Variants in LRRTM4 observed in about 807,000 individuals in gnomAD.
LRRTM4 encodes leucine-rich repeat transmembrane neuronal protein 4.
In LRRTM4, 25 loss-of-function variants were observed where a neutral mutation model predicts 47.6. The ratio of observed to expected loss-of-function variants is 0.53; its 90% CI spans 0.38 to 0.73. LRRTM4 has a LOEUF of 0.73. Ranked by LOEUF, LRRTM4 falls within the 30% of genes least tolerant of loss-of-function variation. The pLI is 0.00. For synonymous variants in LRRTM4, 311 were observed against 269.5 expected (o/e 1.15, Z -1.51); for missense variants, 638 against 713.4 (o/e 0.89, Z 1.20).
At chr2:76,798,776 C>T (rs1675497913) in intron 3 of LRRTM4, among the ~76,000 whole-genome samples, 1 of 150,998 alleles carries the variant, frequency 6.6e-6, no homozygotes, top group Non-Finnish European at 1.5e-5. Context: ...GATATCACCA[C>T]CGATCCCACA....
chr2:77,213,675 A>G (rs1674357540), intron 3 of LRRTM4, among the ~76,000 whole-genome samples: 1 of 152,172 alleles, frequency 6.6e-6, no homozygotes, highest in Non-Finnish European at 1.5e-5. Flanking sequence ...ACTGAGGTCT[A>G]TAACATCCAA....
Position 77,062,951 on chromosome 2 carries a change from TTA to T in LRRTM4, c.1552-314037_1552-314036del, listed in dbSNP as rs547857930. The stretch of plus-strand genomic sequence containing the variant: ...CTCTTGTTCTTTTTTAAAATTATTA[TTA>T]TCTTTTTTTTTTTTTTTTTGAGACA... On this transcript the variant is annotated intron_variant, in intron 3 of 3. Coordinates refer to ENST00000409884, the MANE Select transcript of LRRTM4 (RefSeq NM_001134745.3). Among the ~76,000 whole-genome samples, 982 of 119,194 alleles carry T rather than the reference TTA, an allele frequency of 8.2e-3. 9 individuals are homozygous for T. Among genetic ancestry groups the T allele is most frequent in the South Asian group, 0.02 (64 of 3,272 alleles). 78.2% of individuals were successfully genotyped at this position (119,194 alleles called of 152,430 possible).
chr2:77,222,461 A>G lies in LRRTM4; in HGVS notation c.1551+295857T>C, dbSNP rs541477223. On this transcript the variant is annotated intron_variant, in intron 3 of 3. Transcript: ENST00000409884. ...TCAACAAAATTGATAGACTGCTAGC[A>G]AGGTTAATAAAGAAGAAAAGAGAGA... Among the ~76,000 whole-genome samples the G allele has an allele frequency of 2.0e-5, 3 of 152,286 alleles. No individual in the cohort carries two copies. In the East Asian group the frequency reaches 5.8e-4, roughly 29 times the overall value.
intron 3 of LRRTM4, among the ~76,000 whole-genome samples, chr2:76,823,902 A>T (rs1174638695): frequency 6.6e-6 from 1 of 151,582 alleles, no homozygotes; most frequent in East Asian, 1.9e-4. Context: ...TTTCTATAAT[A>T]CATGATGCAT....
intron 3 of LRRTM4, among the ~76,000 whole-genome samples, chr2:77,397,820 G>A (rs1403196527): frequency 6.6e-6 from 1 of 151,848 alleles, no homozygotes; most frequent in Non-Finnish European, 1.5e-5. Context: ...CTTGATAATA[G>A]GGAGACTCTG....
At chr2:77,110,592 ACAAGAACATTTTATTTGTT>A (rs1447290033) in intron 3 of LRRTM4, among the ~76,000 whole-genome samples, 1 of 152,206 alleles carries the variant, frequency 6.6e-6, no homozygotes, top group African/African-American at 2.4e-5. Context: ...ATGTTTTTTG[ACAAGAACATTTTATTTGTT>A]CATATTGAAA....
chr2:77,246,102 T>C (rs1675438667), intron 3 of LRRTM4, among the ~76,000 whole-genome samples: 2 of 152,224 alleles, frequency 1.3e-5, no homozygotes, highest in African/African-American at 2.4e-5. Flanking sequence ...AAAGCTTCCT[T>C]TACTTTGAAA....
intron 3 of LRRTM4, among the ~76,000 whole-genome samples, chr2:77,388,336 A>C (rs1673367228): frequency 6.6e-6 from 1 of 152,138 alleles, no homozygotes; most frequent in African/African-American, 2.4e-5. Context: ...TATAACTACA[A>C]GGCCAGCATA....
chr2:76,910,643 A>G (rs1405354173), intron 3 of LRRTM4, among the ~76,000 whole-genome samples: 1 of 152,218 alleles, frequency 6.6e-6, no homozygotes, highest in Non-Finnish European at 1.5e-5. Flanking sequence ...TTTATTCACG[A>G]CCATAAATAA....
chr2:76,853,060 T>C (rs1225405970), intron 3 of LRRTM4, among the ~76,000 whole-genome samples: 1 of 152,176 alleles, frequency 6.6e-6, no homozygotes, highest in Non-Finnish European at 1.5e-5. Context: ...TATAACTTGG[T>C]ACCTGTCAAA....
chr2:76,899,236 G>A (rs1350291241), intron 3 of LRRTM4, among the ~76,000 whole-genome samples: 1 of 151,056 alleles, frequency 6.6e-6, no homozygotes, highest in Non-Finnish European at 1.5e-5. Context: ...CTGGGACACA[G>A]AAGTGAACAA....
intron 3 of LRRTM4, among the ~76,000 whole-genome samples, chr2:77,074,812 T>G (rs1680278481): frequency 6.6e-6 from 1 of 152,202 alleles, no homozygotes. Context: ...TGGTTGGCAC[T>G]GAAAAGTTGT....
intron 3 of LRRTM4, among the ~76,000 whole-genome samples, chr2:76,948,426 A>C (rs1675393800): frequency 6.6e-6 from 1 of 151,880 alleles, no homozygotes; most frequent in Admixed American, 6.6e-5. Flanking sequence ...ATTTGCAAAG[A>C]AAATGTAATA....
intron 3 of LRRTM4, among the ~76,000 whole-genome samples, chr2:77,480,812 GTGTGTGTGTGGAGAGAGAGAGAGAGA>G (rs1382157787): frequency 2.0e-4 from 26 of 132,892 alleles, no homozygotes; most frequent in African/African-American, 6.3e-4. Flanking sequence ...GTGTGTGTGT[GTGTGTGTGTGGAGAGAGAGAGAGAGA>G]GAGAGAGAGA....
intron 3 of LRRTM4, among the ~76,000 whole-genome samples, chr2:76,908,692 A>T (rs944966911): frequency 1.3e-5 from 2 of 152,172 alleles, no homozygotes; most frequent in African/African-American, 4.8e-5. Context: ...ATTCTTATAC[A>T]CCAATAAGAG....
intron 3 of LRRTM4, among the ~76,000 whole-genome samples, chr2:77,082,524 A>G (rs903664248): frequency 5.4e-4 from 82 of 152,242 alleles, no homozygotes; most frequent in African/African-American, 1.8e-3. Flanking sequence ...GCCTTTACCT[A>G]TAGAATTTAT....
At chr2:76,833,291 C>T (rs535612221) in intron 3 of LRRTM4, among the ~76,000 whole-genome samples, 2 of 152,044 alleles carry the variant, frequency 1.3e-5, no homozygotes, top group Non-Finnish European at 2.9e-5. Context: ...CATCTATATC[C>T]GTGCTGCAAA....
At chr2:76,818,301 G>A (rs115050111) in intron 3 of LRRTM4, among the ~76,000 whole-genome samples, 3,774 of 151,662 alleles carry the variant, frequency 0.025, 59 homozygotes, top group Admixed American at 0.035. Context: ...TGAATAATAT[G>A]GTGGAATTTA....
intron 3 of LRRTM4, among the ~76,000 whole-genome samples, chr2:76,937,064 G>A (rs1282405655): frequency 6.7e-6 from 1 of 149,310 alleles, no homozygotes; most frequent in East Asian, 2.0e-4. Flanking sequence ...GCCACAGAAG[G>A]CCTTTAATAA....
Sources: gnomAD v4.1 joint callset for allele counts (sites outside exome capture counted in the v4.1 genomes callset) on GRCh38, gnomAD v4.1.1 for gene constraint, MANE v1.5 for transcripts, NCBI Gene and HGNC (gene_info 2026-07-23, HGNC 2026-07-21) for gene names.